ITFG1: variants seen among roughly 807,000 people sequenced by gnomAD.
ITFG1 encodes integrin alpha FG-GAP repeat containing 1.
Under a neutral mutation model 81.8 loss-of-function variants are expected in ITFG1, and 34 were observed. The observed-to-expected ratio is 0.42, with a 90% CI of 0.32 to 0.55. The LOEUF is 0.55. Ranked by LOEUF, ITFG1 falls within the 20% of genes least tolerant of loss-of-function variation. ITFG1 has a pLI of 0.17. For synonymous variants in ITFG1, 285 were observed against 270.6 expected (o/e 1.05, Z -0.52); for missense variants, 672 against 755.4 (o/e 0.89, Z 1.29).
chr16:47,394,683 G>C (rs751802565), intron 6 of ITFG1, among the ~76,000 whole-genome samples: 8 of 151,160 alleles, frequency 5.3e-5, no homozygotes, highest in Non-Finnish European at 8.8e-5. Context: ...TTTGTAAAAG[G>C]TCATCCTACA....
At chr16:47,208,361 A>G (rs1429023318) in intron 14 of ITFG1, among the ~76,000 whole-genome samples, 1 of 152,236 alleles carries the variant, frequency 6.6e-6, no homozygotes, top group Admixed American at 6.5e-5. Flanking sequence ...TCCATGTATA[A>G]GAACTTTAAG....
At position 47,239,905 on chromosome 16, in the gene ITFG1, G is replaced by A. The variant is rs144977452; in HGVS notation, c.1331-1897C>T. Among the ~76,000 whole-genome samples the A allele has an allele frequency of 2.7e-4, 41 of 152,180 alleles. No homozygotes were observed. The East Asian group carries it at 7.7e-3, about 29-fold the overall frequency. On this transcript the variant is annotated intron_variant, in intron 12 of 17. Transcript: ENST00000320640. ...CTGATGCACACATATGTCTTTGCAC[G>A]CAGATGTTACCTCTGCATCATTCTG...
chr16:47,336,073 C>T (rs182042880), intron 8 of ITFG1, among the ~76,000 whole-genome samples: 1 of 152,100 alleles, frequency 6.6e-6, no homozygotes, highest in African/African-American at 2.4e-5. Flanking sequence ...TATGAGTGAA[C>T]CTTAGATGCT....
chr16:47,280,983 C>A (rs1966445829), intron 10 of ITFG1, among the ~76,000 whole-genome samples: 1 of 152,142 alleles, frequency 6.6e-6, no homozygotes, highest in East Asian at 1.9e-4. Flanking sequence ...TTGCTGTTCA[C>A]TTGCTTCTTT....
intron 6 of ITFG1, among the ~76,000 whole-genome samples, chr16:47,411,841 G>A: frequency 6.6e-6 from 1 of 152,166 alleles, no homozygotes; most frequent in East Asian, 1.9e-4. Flanking sequence ...TGCAAATGTA[G>A]TCAAACACAA....
At chr16:47,344,203 C>T (rs368215505) in intron 8 of ITFG1, among the ~76,000 whole-genome samples, 1 of 152,068 alleles carries the variant, frequency 6.6e-6, no homozygotes, top group African/African-American at 2.4e-5. Context: ...TAATGATGCA[C>T]AACAGTGTGA....
At chr16:47,203,618 GGTCCT>G (rs1965455579) in intron 14 of ITFG1, among the ~76,000 whole-genome samples, 1 of 152,176 alleles carries the variant, frequency 6.6e-6, no homozygotes, top group African/African-American at 2.4e-5. Context: ...TAGGGTTCAT[GGTCCT>G]GTGAGAATCT....
chr16:47,180,922 CTGTCTAGGAAGTGAG>C (rs1362123368), intron 14 of ITFG1, among the ~76,000 whole-genome samples: 1 of 151,462 alleles, frequency 6.6e-6, no homozygotes, highest in East Asian at 2.0e-4. Context: ...GGCTGCCATC[CTGTCTAGGAAGTGAG>C]GAGCGTCTCT....
intron 10 of ITFG1, among the ~76,000 whole-genome samples, chr16:47,281,930 T>C (rs1966455492): frequency 6.6e-6 from 1 of 152,094 alleles, no homozygotes; most frequent in Non-Finnish European, 1.5e-5. Context: ...TATGTAGTGA[T>C]GAAGTCTGGG....
At chr16:47,400,646 G>A (rs1968649531) in intron 6 of ITFG1, among the ~76,000 whole-genome samples, 1 of 152,078 alleles carries the variant, frequency 6.6e-6, no homozygotes, top group African/African-American at 2.4e-5. Flanking sequence ...GGGCTTCCCA[G>A]AAAAAAGAGG....
intron 11 of ITFG1, among the ~76,000 whole-genome samples, chr16:47,260,039 C>T (rs983378102): frequency 2.0e-5 from 3 of 151,386 alleles, no homozygotes; most frequent in African/African-American, 4.9e-5. Context: ...CCCGGGTTCA[C>T]GCCATTCTCC....
At chr16:47,437,992 T>G (rs1277845521) in intron 5 of ITFG1, among the ~76,000 whole-genome samples, 1 of 152,196 alleles carries the variant, frequency 6.6e-6, no homozygotes. Context: ...CCTAATACTG[T>G]GCTTTTCCAA....
chr16:47,214,624 A>G (rs1965603678), intron 14 of ITFG1, among the ~76,000 whole-genome samples: 1 of 152,190 alleles, frequency 6.6e-6, no homozygotes, highest in Admixed American at 6.5e-5. Flanking sequence ...AATGTACTTT[A>G]TTTTTATTTT....
intron 13 of ITFG1, among the ~76,000 whole-genome samples, chr16:47,233,833 A>T (rs541828451): frequency 6.6e-6 from 1 of 152,232 alleles, no homozygotes; most frequent in East Asian, 1.9e-4. Context: ...TACTTCATCA[A>T]CTGGGCTCCT....
At chr16:47,212,230 T>A (rs1965571737) in intron 14 of ITFG1, among the ~76,000 whole-genome samples, 1 of 152,178 alleles carries the variant, frequency 6.6e-6, no homozygotes, top group Non-Finnish European at 1.5e-5. Context: ...TTTTATTTTT[T>A]TGAGACGGGG....
At chr16:47,438,463 G>A (rs1264847153) in intron 5 of ITFG1, among the ~76,000 whole-genome samples, 1 of 152,094 alleles carries the variant, frequency 6.6e-6, no homozygotes, top group Non-Finnish European at 1.5e-5. Flanking sequence ...TACCTCACAT[G>A]GCCGGGTACT....
intron 14 of ITFG1, among the ~76,000 whole-genome samples, chr16:47,167,321 T>C (rs753640086): frequency 1.2e-4 from 19 of 152,200 alleles, no homozygotes; most frequent in Non-Finnish European, 2.8e-4. Flanking sequence ...TACGCCCAGA[T>C]GGCCTGAAGT....
intron 1 of ITFG1, among the ~76,000 whole-genome samples, chr16:47,460,465 G>A (rs916933846): frequency 1.3e-5 from 2 of 152,142 alleles, no homozygotes; most frequent in Admixed American, 6.5e-5. Context: ...AGGAATGAGT[G>A]GGCCTTGGGA....
At chr16:47,207,760 T>C (rs889539559) in intron 14 of ITFG1, among the ~76,000 whole-genome samples, 14 of 152,188 alleles carry the variant, frequency 9.2e-5, no homozygotes, top group African/African-American at 3.4e-4. Context: ...CACTACCTGG[T>C]ATTTTCCCAT....
Sources: allele counts gnomAD v4.1 joint callset (sites outside exome capture counted in the v4.1 genomes callset), GRCh38; gene constraint gnomAD v4.1.1; transcripts MANE v1.5; gene names NCBI Gene and HGNC (gene_info 2026-07-23, HGNC 2026-07-21).